Variants in OSBPL3 observed in about 807,000 individuals in gnomAD.
OSBPL3 encodes oxysterol-binding protein-related protein 3.
A neutral mutation model predicts 120.1 loss-of-function variants in OSBPL3; 65 were observed. The ratio of observed to expected loss-of-function variants is 0.54; its 90% CI spans 0.44 to 0.67. The LOEUF (loss-of-function observed/expected upper bound fraction) is 0.67. OSBPL3 is among the 30% of genes least tolerant of loss of function. OSBPL3 has a pLI of 0.00. For missense variants in OSBPL3, 1,004 were observed against 1,082.1 expected (o/e 0.93, Z 1.01); for synonymous variants, 416 against 402.6 (o/e 1.03, Z -0.40).
chr7:24,950,014 A>T (rs184524857), intron 1 of OSBPL3, among the ~76,000 whole-genome samples: 2 of 152,342 alleles, frequency 1.3e-5, no homozygotes, highest in East Asian at 3.9e-4. Context: ...ATAAGTCAAC[A>T]GCTTGGAATT....
intron 5 of OSBPL3, among the ~76,000 whole-genome samples, 172 bp from the exon 6 acceptor site, chr7:24,866,409 G>C (rs1801324388): frequency 6.6e-6 from 1 of 152,178 alleles, no homozygotes; most frequent in Admixed American, 6.5e-5. Context: ...AGGCCACGGA[G>C]GGAGGACCAC....
chr7:24,901,179 T>C (rs1257635965), intron 1 of OSBPL3, among the ~76,000 whole-genome samples: 5 of 151,908 alleles, frequency 3.3e-5, no homozygotes, highest in Non-Finnish European at 5.9e-5. Context: ...ATACAAACAT[T>C]AGCCGGGCAC....
At chr7:24,927,139 GA>G (rs1364498558) in intron 1 of OSBPL3, among the ~76,000 whole-genome samples, 1 of 152,108 alleles carries the variant, frequency 6.6e-6, no homozygotes, top group African/African-American at 2.4e-5. Flanking sequence ...TGTATGTCTG[GA>G]ACTCATTTCA....
At chr7:24,914,609 C>T (rs1406589176) in intron 1 of OSBPL3, among the ~76,000 whole-genome samples, 12 of 151,982 alleles carry the variant, frequency 7.9e-5, no homozygotes, top group Non-Finnish European at 1.5e-5. Context: ...CCTGCTCCAC[C>T]TCCTCTGAAA....
At chr7:24,917,821 T>C (rs149945374) in intron 1 of OSBPL3, 1 of 152,230 alleles carries the variant, frequency 6.6e-6, no homozygotes, top group Non-Finnish European at 1.5e-5. Flanking sequence ...TAACATATGT[T>C]GGCACATTAA....
Position 24,806,113 on chromosome 7 carries a change from C to T in OSBPL3, c.2444+663G>A, listed in dbSNP as rs575406771. ...TTGGGACTACGGGCATGTGCCACCA[C>T]GCCTGGCTAATTTTTGTATTTTTAG... On this transcript the variant is annotated intron_variant, in intron 21 of 22. Coordinates refer to ENST00000313367, the MANE Select transcript of OSBPL3 (RefSeq NM_015550.4). The surrounding 1 kb of genome is among the most constrained non-coding windows in gnomAD (Gnocchi z 5.2). Among the ~76,000 whole-genome samples, 8 of 152,258 alleles carry T rather than the reference C, an allele frequency of 5.3e-5. No individual in the cohort carries two copies. Among genetic ancestry groups the T allele is most frequent in the South Asian group, 4.2e-4 (2 of 4,818 alleles).
intron 1 of OSBPL3, among the ~76,000 whole-genome samples, chr7:24,921,581 C>G (rs1367520809): frequency 6.6e-6 from 1 of 152,186 alleles, no homozygotes; most frequent in Non-Finnish European, 1.5e-5. Flanking sequence ...TGGCAGCATC[C>G]TGGCTGCAGC....
intron 1 of OSBPL3, among the ~76,000 whole-genome samples, chr7:24,944,675 A>G (rs1813509568): frequency 6.6e-6 from 1 of 152,102 alleles, no homozygotes; most frequent in South Asian, 2.1e-4. Flanking sequence ...ATCTCAATAA[A>G]CCAAATTATC....
chr7:24,950,028 A>C (rs929227933), intron 1 of OSBPL3, among the ~76,000 whole-genome samples: 12 of 152,218 alleles, frequency 7.9e-5, no homozygotes, highest in Non-Finnish European at 1.8e-4. Context: ...TGGAATTTGC[A>C]ATCCATTGTT....
At chr7:24,846,114 T>C (rs1320162083) in intron 12 of OSBPL3, among the ~76,000 whole-genome samples, 1 of 152,250 alleles carries the variant, frequency 6.6e-6, no homozygotes, top group Non-Finnish European at 1.5e-5. Context: ...ATTTCTTTTA[T>C]ATACAAAATA....
At chr7:24,926,049 G>A (rs1811003738) in intron 1 of OSBPL3, among the ~76,000 whole-genome samples, 1 of 152,218 alleles carries the variant, frequency 6.6e-6, no homozygotes, top group African/African-American at 2.4e-5. Flanking sequence ...GCTACTATCA[G>A]GCAGTTCCCA....
rs1758987826 is a variant in OSBPL3, at chr7:24,894,737, A to T, written c.-149-2116T>A. On this transcript the variant is annotated intron_variant, in intron 1 of 22. Coordinates refer to ENST00000313367, the MANE Select transcript of OSBPL3 (RefSeq NM_015550.4). This position sits in a 1 kb window ranked among gnomAD's most constrained non-coding sequence, Gnocchi z 4.1. Reference sequence around the variant, plus strand: ...TCTGGGATGAGAGGGGTGTGTGTGCAATGTAAAGGGAGAGAAACGTGGGCA... The same window carrying T: ...TCTGGGATGAGAGGGGTGTGTGTGCTATGTAAAGGGAGAGAAACGTGGGCA... 2.0e-5 allele frequency among the ~76,000 whole-genome samples: 3 copies of T among 152,278 alleles called. No homozygotes were observed. Among genetic ancestry groups the T allele is most frequent in the African/African-American group, 7.2e-5 (3 of 41,556 alleles).
chr7:24,807,988 C>T (rs557045952), intron 20 of OSBPL3, among the ~76,000 whole-genome samples: 2 of 152,104 alleles, frequency 1.3e-5, no homozygotes, highest in African/African-American at 4.8e-5. Flanking sequence ...ACCTCTACTT[C>T]CAGGGTTTAA....
At chr7:24,911,313 G>C (rs1808790322) in intron 1 of OSBPL3, among the ~76,000 whole-genome samples, 1 of 152,194 alleles carries the variant, frequency 6.6e-6, no homozygotes, top group South Asian at 2.1e-4. Context: ...ACTGCTTGCG[G>C]AAGCTTGGTA....
Position 24,918,850 on chromosome 7 carries a change from C to G in OSBPL3, c.-149-26229G>C, listed in dbSNP as rs1472699672. On this transcript the variant is annotated intron_variant, in intron 1 of 22. Transcript: ENST00000313367. This position sits in a 1 kb window ranked among gnomAD's most constrained non-coding sequence, Gnocchi z 4.3. The stretch of plus-strand genomic sequence containing the variant: ...AATTTAGAATCGTATTACAAGGTAC[C>G]AAGAAAGCTTCTGCATCCATGAGAA... 1.3e-5 allele frequency among the ~76,000 whole-genome samples: 2 copies of G among 152,066 alleles called. No homozygotes were observed. The highest frequency in any genetic ancestry group is 2.9e-5 in the Non-Finnish European group (2 of 67,996).
intron 2 of OSBPL3, among the ~76,000 whole-genome samples, chr7:24,875,054 C>A (rs529427782): frequency 1.1e-4 from 16 of 152,324 alleles, no homozygotes; most frequent in African/African-American, 3.8e-4. Context: ...CACAATGCCT[C>A]GGTCTTGCAC....
intron 6 of OSBPL3, among the ~76,000 whole-genome samples, chr7:24,865,843 A>G (rs1801234295): frequency 6.6e-6 from 1 of 152,220 alleles, no homozygotes; most frequent in African/African-American, 2.4e-5. Flanking sequence ...CAGAGATGCT[A>G]AATTCCTCCT....
At chr7:24,915,539 TAAAAA>T (rs35520475) in intron 1 of OSBPL3, among the ~76,000 whole-genome samples, 1 of 146,962 alleles carries the variant, frequency 6.8e-6, no homozygotes, top group East Asian at 2.0e-4. Context: ...CCCCTTTCTT[TAAAAA>T]AAAAAAATTC....
In OSBPL3 at chr7:24,888,768, T is replaced by C. The variant is rs114144998; in HGVS notation, c.96+3609A>G. On this transcript the variant is annotated intron_variant, in intron 2 of 22. Coordinates refer to ENST00000313367, the MANE Select transcript of OSBPL3 (RefSeq NM_015550.4). ...AGATTTTATATGAATAGGTCTGAGATAGGAAGACCAGGTTCAAGTTTAAGT... is the reference window on the plus strand; with the variant it reads ...AGATTTTATATGAATAGGTCTGAGACAGGAAGACCAGGTTCAAGTTTAAGT... Among the ~76,000 whole-genome samples the C allele has an allele frequency of 6.1e-3, 932 of 152,258 alleles. 13 individuals are homozygous for C. The highest frequency in any genetic ancestry group is 0.021 in the African/African-American group (869 of 41,552).
Sources: allele counts gnomAD v4.1 joint callset (sites outside exome capture counted in the v4.1 genomes callset), GRCh38; gene constraint gnomAD v4.1.1; non-coding constraint Gnocchi (gnomAD v3.1); transcripts MANE v1.5; gene names NCBI Gene and HGNC (gene_info 2026-07-23, HGNC 2026-07-21).